The following UBAC2 variants were observed in gnomAD, a reference collection of about 807,000 sequenced individuals.
UBAC2 encodes the protein UBA domain containing 2.
In UBAC2, 26 loss-of-function variants were observed where a neutral mutation model predicts 44.0. The ratio of observed to expected loss-of-function variants is 0.59; its 90% CI spans 0.43 to 0.82. The LOEUF is 0.82. Among genes scored for constraint, UBAC2 ranks in the 40% least tolerant of loss-of-function variants. The pLI is 0.00. For synonymous variants in UBAC2, 155 were observed against 154.3 expected (o/e 1.00, Z -0.04); for missense variants, 329 against 419.4 (o/e 0.78, Z 1.88).
chr13:99,330,586 G>A (rs764063514), intron 6 of UBAC2, among the ~76,000 whole-genome samples: 16 of 151,642 alleles, frequency 1.1e-4, no homozygotes, highest in Non-Finnish European at 2.4e-4. Context: ...CAACATAGGT[G>A]GTCTGTGTCA....
Position 99,295,877 on chromosome 13 carries a change from T to A in UBAC2, c.390-18220T>A, listed in dbSNP as rs1566489929. The A allele has an allele frequency of 6.2e-7, 1 of 1,610,278 alleles. No homozygotes were observed. The highest frequency in any genetic ancestry group is 1.3e-5 in the African/African-American group (1 of 74,954). Reference sequence around the variant, plus strand: ...TCTCCAGTCAAAGCCCATTGCATAGTAGGCTATTCGTGTAGGCAAAGCGGT... The same window carrying A: ...TCTCCAGTCAAAGCCCATTGCATAGAAGGCTATTCGTGTAGGCAAAGCGGT... On this transcript the variant is annotated intron_variant, in intron 4 of 8. Coordinates refer to ENST00000403766, the MANE Select transcript of UBAC2 (RefSeq NM_001144072.2). This position sits in a 1 kb window ranked among gnomAD's most constrained non-coding sequence, Gnocchi z 4.1.
chr13:99,314,976 A>G (rs2044468661), intron 5 of UBAC2: 1 of 152,102 alleles, frequency 6.6e-6, no homozygotes, highest in Non-Finnish European at 1.5e-5. Context: ...TGATCCACTG[A>G]TTAATACTCA....
At chr13:99,340,031 G>C (rs2044860034) in intron 6 of UBAC2, among the ~76,000 whole-genome samples, 1 of 152,148 alleles carries the variant, frequency 6.6e-6, no homozygotes, top group Non-Finnish European at 1.5e-5. Flanking sequence ...AAAAAATGAA[G>C]ACAGTGTCTT....
chr13:99,357,195 G>C (rs1177298421), intron 7 of UBAC2, among the ~76,000 whole-genome samples: 1 of 152,200 alleles, frequency 6.6e-6, no homozygotes, highest in Admixed American at 6.5e-5. Context: ...TTGCTGTACA[G>C]GTTTGTAGCC....
chr13:99,201,663 AGG>A, intron 1 of UBAC2: 1 of 1,251,884 alleles, frequency 8.0e-7, no homozygotes, highest in Non-Finnish European at 1.1e-6. Context: ...GTTAACAGTT[AGG>A]CACGGGTACA....
In UBAC2 at chr13:99,215,767, C is replaced by T. The variant is rs538918839; in HGVS notation, c.31+14828C>T. ...GCCTTACCGTCAGCCATTTCGAGTT[C>T]TGCTGAAGCTCAAGCAAGGCAGAGA... On this transcript the variant is annotated intron_variant, in intron 1 of 8. Transcript: ENST00000403766. The T allele has an allele frequency of 5.4e-4, 618 of 1,137,334 alleles. 1 individual carries two copies. The highest frequency in any genetic ancestry group is 7.5e-4 in the Non-Finnish European group (602 of 799,798). 70.5% of individuals were successfully genotyped at this position (1,137,334 alleles called of 1,614,324 possible).
At chr13:99,320,287 CAT>C (rs1249618100) in intron 6 of UBAC2, among the ~76,000 whole-genome samples, 1 of 152,078 alleles carries the variant, frequency 6.6e-6, no homozygotes, top group Non-Finnish European at 1.5e-5. Context: ...TTCCGGTACA[CAT>C]GTTTAACAGG....
At chr13:99,212,456 T>C (rs890886446) in intron 1 of UBAC2, among the ~76,000 whole-genome samples, 1 of 152,234 alleles carries the variant, frequency 6.6e-6, no homozygotes, top group Non-Finnish European at 1.5e-5. Flanking sequence ...GTCCCTTCAG[T>C]GGACGTGATA....
chr13:99,219,991 T>C (rs551739259), intron 1 of UBAC2, among the ~76,000 whole-genome samples: 12 of 152,226 alleles, frequency 7.9e-5, no homozygotes, highest in South Asian at 2.1e-4. Context: ...TTTTGTGTTA[T>C]GATAATGCTA....
chr13:99,343,853 C>T (rs1343934404), intron 7 of UBAC2, among the ~76,000 whole-genome samples: 1 of 152,148 alleles, frequency 6.6e-6, no homozygotes, highest in African/African-American at 2.4e-5. Context: ...TGTGCATGCA[C>T]GAGTACCGTA....
chr13:99,346,791 C>T (rs1403907759), intron 7 of UBAC2, among the ~76,000 whole-genome samples: 2 of 152,244 alleles, frequency 1.3e-5, no homozygotes, highest in Non-Finnish European at 2.9e-5. Context: ...CCGATGTTCA[C>T]TGGTGATTTA....
chr13:99,311,773 A>T (rs1202772791), intron 4 of UBAC2, among the ~76,000 whole-genome samples: 1 of 152,204 alleles, frequency 6.6e-6, no homozygotes, highest in Admixed American at 6.5e-5. Context: ...TGAGCTCCTA[A>T]ACTGTGCCAA....
At chr13:99,246,221 T>C (rs2043381684) in intron 4 of UBAC2, among the ~76,000 whole-genome samples, 2 of 152,218 alleles carry the variant, frequency 1.3e-5, no homozygotes, top group African/African-American at 2.4e-5. Context: ...AATGTTGACC[T>C]TTAGCTCTTT....
intron 1 of UBAC2, among the ~76,000 whole-genome samples, chr13:99,203,555 C>G (rs1156807648): frequency 7.2e-5 from 11 of 152,326 alleles, no homozygotes; most frequent in African/African-American, 2.6e-4. Flanking sequence ...GCCTTTCTCT[C>G]TCATCCATTC....
At chr13:99,203,122 C>T (rs1414335734) in intron 1 of UBAC2, among the ~76,000 whole-genome samples, 4 of 151,872 alleles carry the variant, frequency 2.6e-5, no homozygotes, top group Non-Finnish European at 5.9e-5. Context: ...CTGCAACCTC[C>T]GCCTCCCGAG....
At position 99,375,433 on chromosome 13, in the gene UBAC2, G is replaced by A. The variant is rs565152094; in HGVS notation, c.927+7527G>A. 4.6e-5 allele frequency among the ~76,000 whole-genome samples: 7 copies of A among 152,338 alleles called. No individual in the cohort carries two copies. The East Asian group carries it at 1.3e-3, about 29-fold the overall frequency. On this transcript the variant is annotated intron_variant, in intron 8 of 8. Coordinates refer to ENST00000403766, the MANE Select transcript of UBAC2 (RefSeq NM_001144072.2). Reference sequence around the variant, plus strand: ...GTAACCGGTGCCAGTTGCTATGACAGCAGTGGGCGAGGCAGGCCCAGCACA... The same window carrying A: ...GTAACCGGTGCCAGTTGCTATGACAACAGTGGGCGAGGCAGGCCCAGCACA...
intron 4 of UBAC2, chr13:99,255,090 C>A (rs1217142609): frequency 3.1e-6 from 5 of 1,614,104 alleles, no homozygotes; most frequent in South Asian, 2.2e-5. Context: ...TGTAACTGTT[C>A]TCCCCCGTTC....
intron 8 of UBAC2, among the ~76,000 whole-genome samples, chr13:99,380,762 T>C (rs1048005238): frequency 6.6e-6 from 1 of 152,258 alleles, no homozygotes; most frequent in African/African-American, 2.4e-5. Flanking sequence ...TGTAATTGTT[T>C]ATTCTTTTTA....
At chr13:99,201,500 G>GT (rs1566443161) in intron 1 of UBAC2, 1 of 1,614,222 alleles carries the variant, frequency 6.2e-7, no homozygotes, top group African/African-American at 1.3e-5. Context: ...TTAGGAAGTC[G>GT]TGGCGAGGGA....
Sources: gnomAD v4.1 joint callset for allele counts (sites outside exome capture counted in the v4.1 genomes callset) on GRCh38, gnomAD v4.1.1 for gene constraint, Gnocchi (gnomAD v3.1) non-coding constraint, MANE v1.5 for transcripts, NCBI Gene and HGNC (gene_info 2026-07-23, HGNC 2026-07-21) for gene names.